The following TMPRSS7 variants were observed in gnomAD, a reference collection of about 807,000 sequenced individuals.
TMPRSS7 encodes transmembrane serine protease 7.
Under a neutral mutation model 95.6 loss-of-function variants are expected in TMPRSS7, and 81 were observed. The observed-to-expected ratio is 0.85, with a 90% CI of 0.71 to 1.02. The LOEUF is 1.02. Ranked by LOEUF, TMPRSS7 falls within the 50% of genes least tolerant of loss-of-function variation. TMPRSS7 has a pLI of 0.00. For synonymous variants in TMPRSS7, 364 were observed against 337.8 expected (o/e 1.08, Z -0.85); for missense variants, 945 against 955.2 (o/e 0.99, Z 0.14).
intron 4 of TMPRSS7, among the ~76,000 whole-genome samples, chr3:112,044,553 C>T (rs924208721): frequency 6.6e-6 from 1 of 152,084 alleles, no homozygotes; most frequent in Non-Finnish European, 1.5e-5. Context: ...ATCCTGAACC[C>T]CTATAGCAGT....
chr3:112,061,442 G>A (rs908896094), intron 10 of TMPRSS7, among the ~76,000 whole-genome samples: 2 of 152,154 alleles, frequency 1.3e-5, no homozygotes, highest in African/African-American at 4.8e-5. Flanking sequence ...AGAGCGGCTT[G>A]TTGACAAAAG....
intron 9 of TMPRSS7, among the ~76,000 whole-genome samples, chr3:112,053,255 G>C (rs972975909): frequency 2.0e-5 from 3 of 151,278 alleles, no homozygotes; most frequent in Non-Finnish European, 4.4e-5. Flanking sequence ...TTACACAAAA[G>C]TTAGTTTATA....
At chr3:112,061,699 G>C in intron 10 of TMPRSS7, 88 bp from the exon 11 acceptor site, 1 of 1,435,256 alleles carries the variant, frequency 7.0e-7, no homozygotes, top group East Asian at 2.5e-5. Context: ...AAAACCAAAT[G>C]ACCAAAGTAT....
rs376671143 is a variant in TMPRSS7 at position 112,063,595 on chromosome 3, A to T, written c.1518A>T (p.Val506=). Residue 506 remains valine, a synonymous_variant, in exon 12 of 18, where the codon GTA becomes GTT. Coordinates refer to ENST00000452346, the Ensembl canonical transcript of TMPRSS7. ...CTCAGGCCCAGCGTTGTGATGGAGT[A>T]AATGACTGCTTTGATGAAAGTGATG... The T allele has an allele frequency of 7.5e-4, 1,211 of 1,614,128 alleles. 1 individual carries two copies. Among genetic ancestry groups the T allele is most frequent in the Non-Finnish European group, 9.5e-4 (1,119 of 1,179,984 alleles).
intron 1 of TMPRSS7, 79 bp from the exon 2 acceptor site, chr3:112,037,993 A>G (rs924782996): frequency 1.7e-5 from 11 of 659,086 alleles, no homozygotes; most frequent in Non-Finnish European, 3.0e-5. Flanking sequence ...TTTAGTACCA[A>G]CATCTCCTGA....
At chr3:112,036,526 C>G (rs2073151234) in intron 1 of TMPRSS7, among the ~76,000 whole-genome samples, 1 of 151,760 alleles carries the variant, frequency 6.6e-6, no homozygotes, top group South Asian at 2.1e-4. Flanking sequence ...CAAGATCACT[C>G]CATTGCACTC....
chr3:112,042,892 T>C (rs2073226693), intron 3 of TMPRSS7: 1 of 404,222 alleles, frequency 2.5e-6, no homozygotes, highest in African/African-American at 2.0e-5. Context: ...TATTACCAAC[T>C]AGAACGTTGC....
chr3:112,067,242 G>T (rs2073588737), intron 13 of TMPRSS7, among the ~76,000 whole-genome samples: 1 of 152,196 alleles, frequency 6.6e-6, no homozygotes, highest in African/African-American at 2.4e-5. Context: ...ATGGACGTTT[G>T]GGTTGGGTCC....
At chr3:112,065,329 A>G (rs1037573903) in intron 12 of TMPRSS7, among the ~76,000 whole-genome samples, 5 of 152,202 alleles carry the variant, frequency 3.3e-5, no homozygotes, top group African/African-American at 1.2e-4. Flanking sequence ...GGCACGAGCC[A>G]CCATGCCTAG....
At chr3:112,057,758 C>T (rs1051047955) in intron 10 of TMPRSS7, among the ~76,000 whole-genome samples, 18 of 152,018 alleles carry the variant, frequency 1.2e-4, no homozygotes, top group African/African-American at 4.1e-4. Flanking sequence ...CAGAGTTTTG[C>T]TCTGTCACCC....
At chr3:112,039,702 T>C (rs1188739892) in intron 2 of TMPRSS7, 1 of 152,252 alleles carries the variant, frequency 6.6e-6, no homozygotes, top group South Asian at 2.1e-4. Context: ...CTGTAGGTAC[T>C]TCTTCATCTG....
chr3:112,063,716 T>C, intron 12 of TMPRSS7, 84 bp downstream of exon 12: 1 of 1,124,888 alleles, frequency 8.9e-7, no homozygotes, highest in Admixed American at 1.8e-5. Context: ...ATATCCTTAG[T>C]ATTTGTAGTT....
Position 112,074,317 on chromosome 3 carries a change from C to A in TMPRSS7, c.1688C>A (p.Thr563Asn), listed in dbSNP as rs953277298. 7 of 1,613,726 alleles carry A rather than the reference C, an allele frequency of 4.3e-6. No homozygotes were observed. In the African/African-American group the frequency reaches 9.3e-5, roughly 22 times the overall value. ...TTAGGTATTCCATGCAACAACAGAA[C>A]TTTTAAGTGTGGCAATGATATTTGC... The change falls in exon 14 of 18, where the codon ACT (threonine) becomes AAT (asparagine). Residue 563 changes from threonine (T) to asparagine (N), a missense_variant. Transcript: ENST00000452346.
chr3:112,051,276 C>T (rs2073345477), intron 9 of TMPRSS7, among the ~76,000 whole-genome samples: 1 of 151,968 alleles, frequency 6.6e-6, no homozygotes, highest in South Asian at 2.1e-4. Flanking sequence ...TACAATATAA[C>T]AACTATTTAT....
At chr3:112,054,748 T>C (rs1327137816) in intron 9 of TMPRSS7, among the ~76,000 whole-genome samples, 8 of 126,170 alleles carry the variant, frequency 6.3e-5, no homozygotes, top group African/African-American at 2.5e-4. Flanking sequence ...TTTTTTTTTT[T>C]TTTTTTTTTT....
chr3:112,075,259 G>T, intron 14 of TMPRSS7, 62 bp from the exon 15 acceptor site: 1 of 1,364,822 alleles, frequency 7.3e-7, no homozygotes, highest in Non-Finnish European at 9.5e-7. Context: ...ACTAAAACTG[G>T]CTTAACTTCT....
intron 13 of TMPRSS7, among the ~76,000 whole-genome samples, chr3:112,072,494 C>G (rs1406338765): frequency 6.6e-6 from 1 of 152,254 alleles, no homozygotes; most frequent in Non-Finnish European, 1.5e-5. Context: ...AAGCACTGCT[C>G]TCTTTAGAGC....
intron 10 of TMPRSS7, among the ~76,000 whole-genome samples, chr3:112,059,913 G>A (rs561478756): frequency 6.6e-6 from 1 of 152,258 alleles, no homozygotes; most frequent in South Asian, 2.1e-4. Flanking sequence ...GGCATCACAG[G>A]TTCCAGTGGA....
chr3:112,049,577 C>A (rs879873243), intron 7 of TMPRSS7, among the ~76,000 whole-genome samples: 8 of 152,116 alleles, frequency 5.3e-5, no homozygotes, highest in Non-Finnish European at 1.0e-4. Flanking sequence ...TACTTTTATG[C>A]CGTATTTGTG....
Sources: allele counts gnomAD v4.1 joint callset (sites outside exome capture counted in the v4.1 genomes callset), GRCh38; gene constraint gnomAD v4.1.1; transcripts MANE v1.5; gene names NCBI Gene and HGNC (gene_info 2026-07-23, HGNC 2026-07-21).